Variants in PPFIA2 observed in about 807,000 individuals in gnomAD.
The protein encoded by PPFIA2 is liprin-alpha-2.
Under a neutral mutation model 175.5 loss-of-function variants are expected in PPFIA2, and 46 were observed. That is an observed-to-expected ratio of 0.26 (90% CI 0.21 to 0.34). PPFIA2 has a LOEUF of 0.34. Among genes scored for constraint, PPFIA2 ranks in the 10% least tolerant of loss-of-function variants. The pLI, the probability that PPFIA2 is intolerant of heterozygous loss-of-function variation, is 1.00. For missense variants in PPFIA2, 1,179 were observed against 1,506.1 expected (o/e 0.78, Z 3.60); for synonymous variants, 568 against 511.4 (o/e 1.11, Z -1.49).
intron 4 of PPFIA2, among the ~76,000 whole-genome samples, chr12:81,529,541 T>A: frequency 7.3e-6 from 1 of 136,110 alleles, no homozygotes; most frequent in African/African-American, 2.9e-5. Flanking sequence ...ACACAAAGAG[T>A]GGCGGGGGGG....
At chr12:81,358,751 A>G (rs547324975) in intron 15 of PPFIA2, among the ~76,000 whole-genome samples, 1 of 152,222 alleles carries the variant, frequency 6.6e-6, no homozygotes, top group East Asian at 1.9e-4. Flanking sequence ...AATCAACAAA[A>G]TGCTTAAATT....
At chr12:81,643,039 T>C (rs2065556902) in intron 4 of PPFIA2, among the ~76,000 whole-genome samples, 1 of 147,898 alleles carries the variant, frequency 6.8e-6, no homozygotes, top group South Asian at 2.1e-4. Flanking sequence ...ACATTTATTA[T>C]TACATGTTAT....
chr12:81,493,754 C>CTATATATATATATATA (rs5799531), intron 4 of PPFIA2, among the ~76,000 whole-genome samples: 14 of 102,114 alleles, frequency 1.4e-4, no homozygotes, highest in Non-Finnish European at 1.9e-4. Context: ...GTGTGTGTGT[C>CTATATATATATATATA]TATATATATA....
intron 4 of PPFIA2, among the ~76,000 whole-genome samples, chr12:81,550,426 T>C (rs889349823): frequency 3.3e-5 from 5 of 151,994 alleles, no homozygotes; most frequent in Non-Finnish European, 5.9e-5. Flanking sequence ...ATTGGATATC[T>C]TTGACAGGGT....
intron 3 of PPFIA2, among the ~76,000 whole-genome samples, chr12:81,702,341 A>C (rs1052604517): frequency 1.3e-5 from 2 of 152,056 alleles, no homozygotes; most frequent in African/African-American, 2.4e-5. Flanking sequence ...ATTGCCATTG[A>C]CTGCCAAATT....
intron 22 of PPFIA2, among the ~76,000 whole-genome samples, chr12:81,318,452 A>G (rs1486361990): frequency 6.6e-6 from 1 of 151,810 alleles, no homozygotes; most frequent in Non-Finnish European, 1.5e-5. Context: ...AGAGGAAATC[A>G]GTAAGTATAG....
At chr12:81,294,618 A>C in intron 24 of PPFIA2, 2 of 565,656 alleles carry the variant, frequency 3.5e-6, no homozygotes, top group Non-Finnish European at 6.3e-6. Flanking sequence ...CTAGCTCAAA[A>C]GTCTGCTATG....
At chr12:81,493,077 G>C (rs1295477426) in intron 4 of PPFIA2, among the ~76,000 whole-genome samples, 1 of 152,020 alleles carries the variant, frequency 6.6e-6, no homozygotes, top group African/African-American at 2.4e-5. Flanking sequence ...CATAAGAAGA[G>C]AGATTGGAAA....
chr12:81,267,800 T>G, intron 29 of PPFIA2, 112 bp downstream of exon 29: 1 of 858,414 alleles, frequency 1.2e-6, no homozygotes, highest in South Asian at 2.0e-5. Flanking sequence ...ATTTCAAACA[T>G]TGAGTTAACT....
intron 3 of PPFIA2, among the ~76,000 whole-genome samples, chr12:81,744,727 C>A (rs537591662): frequency 2.0e-5 from 3 of 152,110 alleles, no homozygotes; most frequent in African/African-American, 7.2e-5. Context: ...CGCCCAGCCA[C>A]AAGAAATGCT....
intron 3 of PPFIA2, among the ~76,000 whole-genome samples, chr12:81,734,618 G>A (rs2081338179): frequency 6.6e-6 from 1 of 151,768 alleles, no homozygotes; most frequent in Non-Finnish European, 1.5e-5. Context: ...CTCCTTTTCA[G>A]TCAAGCTTGT....
At chr12:81,353,769 C>T (rs1343627463) in intron 16 of PPFIA2, among the ~76,000 whole-genome samples, 1 of 152,090 alleles carries the variant, frequency 6.6e-6, no homozygotes, top group Non-Finnish European at 1.5e-5. Flanking sequence ...TAAGAAATTA[C>T]ACAGGAATTC....
intron 4 of PPFIA2, among the ~76,000 whole-genome samples, chr12:81,485,922 A>C (rs1267865540): frequency 6.6e-6 from 1 of 151,898 alleles, no homozygotes; most frequent in East Asian, 1.9e-4. Flanking sequence ...CCCCATCTGC[A>C]ATTAAATTTA....
At chr12:81,472,201 T>C (rs1593515004) in intron 4 of PPFIA2, among the ~76,000 whole-genome samples, 2 of 151,286 alleles carry the variant, frequency 1.3e-5, no homozygotes, top group African/African-American at 4.9e-5. Context: ...GCTAGGGGAG[T>C]TGGAGAGATT....
intron 8 of PPFIA2, among the ~76,000 whole-genome samples, chr12:81,389,228 GT>G (rs2039644699): frequency 6.8e-6 from 1 of 147,816 alleles, no homozygotes; most frequent in Non-Finnish European, 1.5e-5. Context: ...TATTTATTTG[GT>G]GCAAATGAAC....
intron 1 of PPFIA2, 89 bp from the exon 2 acceptor site, chr12:81,758,596 C>T (rs80047072): frequency 0.037 from 13,301 of 355,686 alleles, 348 homozygotes; most frequent in African/African-American, 0.076. Context: ...GTGGCAGGAG[C>T]TCGGCATCTT....
At chr12:81,376,051 A>G in intron 9 of PPFIA2, 109 bp from the exon 10 acceptor site, 5 of 968,668 alleles carry the variant, frequency 5.2e-6, no homozygotes, top group Non-Finnish European at 7.7e-6. Flanking sequence ...TTCTTGAAGT[A>G]AATACTCATT....
intron 22 of PPFIA2, among the ~76,000 whole-genome samples, chr12:81,305,493 C>T (rs2048918980): frequency 6.6e-6 from 1 of 152,170 alleles, no homozygotes; most frequent in Admixed American, 6.5e-5. Flanking sequence ...AATTGCATTT[C>T]CAGATTTACC....
chr12:81,472,302 G>A (rs1365596442), intron 4 of PPFIA2, among the ~76,000 whole-genome samples: 6 of 152,112 alleles, frequency 3.9e-5, no homozygotes, highest in South Asian at 2.1e-4. Flanking sequence ...ACAATTTTGC[G>A]AATATACTAA....
Sources: gnomAD v4.1 joint callset for allele counts (sites outside exome capture counted in the v4.1 genomes callset) on GRCh38, gnomAD v4.1.1 for gene constraint, MANE v1.5 for transcripts, NCBI Gene and HGNC (gene_info 2026-07-23, HGNC 2026-07-21) for gene names.